Variants in ABCA3 observed in about 807,000 individuals in gnomAD.
ABCA3 encodes ATP binding cassette subfamily A member 3, also known as phospholipid-transporting ATPase ABCA3.
ABCA3 carries 88 observed loss-of-function variants against 172.8 expected under a neutral mutation model. That is an observed-to-expected ratio of 0.51 (90% CI 0.43 to 0.61). The LOEUF (loss-of-function observed/expected upper bound fraction) is 0.61. Among genes scored for constraint, ABCA3 ranks in the 20% least tolerant of loss-of-function variants. The pLI, the probability that ABCA3 is intolerant of heterozygous loss-of-function variation, is 0.00. For missense variants in ABCA3, 2,164 were observed against 2,301.0 expected (o/e 0.94, Z 1.22); for synonymous variants, 1,066 against 983.8 (o/e 1.08, Z -1.56).
At chr16:2,337,234 G>A (rs2093753275) in intron 1 of ABCA3, among the ~76,000 whole-genome samples, 1 of 151,844 alleles carries the variant, frequency 6.6e-6, no homozygotes, top group Admixed American at 6.6e-5. Flanking sequence ...CCCTTTAAAA[G>A]ATCCAAATTT....
Position 2,286,873 on chromosome 16 carries a change from T to C in ABCA3, c.3099A>G (p.Gly1033=). The C allele has an allele frequency of 6.2e-7, 1 of 1,614,066 alleles. No homozygotes were observed. Among genetic ancestry groups the C allele is most frequent in the Non-Finnish European group, 8.5e-7 (1 of 1,180,024 alleles). Residue 1033 remains glycine (G), a synonymous_variant, in exon 22 of 33, where the codon GGA becomes GGG. Transcript: ENST00000301732. This position sits in a 1 kb window ranked among gnomAD's most constrained non-coding sequence, Gnocchi z 5.2. ...CLVAASFRDV[G]ERTVVNALFN... ...ACAAGGCGTTGACGACCGTGCGCTC[T>C]CCCACATCTCTGAAGGACGCTGCCA...
Position 2,326,438 on chromosome 16 carries a change from A to G in ABCA3, c.29T>C (p.Leu10Pro). MAVLRQLAL[L>P]LWKNYTLQKR... is the part of the protein sequence containing the mutation. Reference sequence around the variant, plus strand: ...CTGCAGGGTGTAGTTCTTCCAGAGGAGGAGCGCCAGCTGCCTGAGCACAGC... The same window carrying G: ...CTGCAGGGTGTAGTTCTTCCAGAGGGGGAGCGCCAGCTGCCTGAGCACAGC... Residue 10 changes from leucine to proline, a missense_variant, in exon 4 of 33, where the codon CTC becomes CCC. Around this residue, in one of 3 missense-constraint regions of ABCA3, gnomAD observed 1,343 missense variants for 1,369.6 expected, o/e 0.98. Transcript: ENST00000301732. 6.2e-7 allele frequency: 1 copy of G among 1,612,734 alleles called. No homozygotes were observed. The highest frequency in any genetic ancestry group is 8.5e-7 in the Non-Finnish European group (1 of 1,179,462).
At chr16:2,323,770 G>A (rs2093729829) in intron 6 of ABCA3, 82 bp from the exon 7 acceptor site, 4 of 1,534,378 alleles carry the variant, frequency 2.6e-6, no homozygotes, top group Non-Finnish European at 3.6e-6. Flanking sequence ...GAGAGCGCTT[G>A]GGGGGCTGTC....
intron 28 of ABCA3, 52 bp downstream of exon 28, chr16:2,280,975 C>T (rs889654694): frequency 3.1e-6 from 5 of 1,611,588 alleles, no homozygotes; most frequent in Admixed American, 1.7e-5. Context: ...CCAGGGTGCC[C>T]CCTCCAGCCA....
At chr16:2,290,522 G>A (rs2093670419) in intron 19 of ABCA3, among the ~76,000 whole-genome samples, 1 of 152,204 alleles carries the variant, frequency 6.6e-6, no homozygotes, top group Non-Finnish European at 1.5e-5. Context: ...GAGGCCCTGT[G>A]GCTGCTGAGA....
At chr16:2,294,010 T>TC (rs1302472235) in intron 18 of ABCA3, among the ~76,000 whole-genome samples, 10 of 146,624 alleles carry the variant, frequency 6.8e-5, no homozygotes, top group Admixed American at 6.8e-4. Context: ...TTTTCTTTCT[T>TC]TTTTTTTTTT....
rs770697754 is a variant in ABCA3, at chr16:2,290,001, A to ACACACACACC, written c.2514-382_2514-381insGGTGTGTGTG. 5.8e-5 allele frequency among the ~76,000 whole-genome samples: 8 copies of ACACACACACC among 137,222 alleles called. No individual in the cohort carries two copies. The East Asian group carries it at 1.6e-3, about 28-fold the overall frequency. 90.0% of individuals were successfully genotyped at this position (137,222 alleles called of 152,430 possible). A position where few individuals can be genotyped will look rare whatever the true frequency, so the allele number is the denominator to read the frequency against. On this transcript the variant is annotated intron_variant, in intron 19 of 32. Coordinates refer to ENST00000301732, the MANE Select transcript of ABCA3 (RefSeq NM_001089.3). The stretch of plus-strand genomic sequence containing the variant: ...CACACACACACACACACACACACAC[A>ACACACACACC]CCCCTTCCTAGAGCTCCCCGCCGAT...
At chr16:2,327,559 C>G (rs1252789793) in intron 3 of ABCA3, among the ~76,000 whole-genome samples, 1 of 152,152 alleles carries the variant, frequency 6.6e-6, no homozygotes, top group Non-Finnish European at 1.5e-5. Flanking sequence ...AATTCTGGCC[C>G]CCATTGGCCT....
Position 2,284,509 on chromosome 16 carries a change from G to C in ABCA3, c.3704-72C>G, listed in dbSNP as rs907651114. On this transcript the variant is annotated intron_variant, in intron 24 of 32. Transcript: ENST00000301732. The surrounding 1 kb of genome is among the most constrained non-coding windows in gnomAD (Gnocchi z 5.9). Reference sequence around the variant, plus strand: ...CCCACCTCCAGGACGGGCCTGGTCAGGGCGGGCACAGGGCCTTATCCGTGC... The same window carrying C: ...CCCACCTCCAGGACGGGCCTGGTCACGGCGGGCACAGGGCCTTATCCGTGC... The C allele has an allele frequency of 1.3e-5, 20 of 1,592,678 alleles. No individual in the cohort carries two copies. In the Admixed American group the frequency reaches 3.3e-4, roughly 27 times the overall value.
rs756680762 is a variant in ABCA3 at position 2,295,709 on chromosome 16, C to T, written c.2295G>A (p.Glu765=). 6.2e-7 allele frequency: 1 copy of T among 1,613,996 alleles called. No individual in the cohort carries two copies. Among genetic ancestry groups the T allele is most frequent in the South Asian group, 1.1e-5 (1 of 91,092 alleles). The change falls in exon 18 of 33, where the codon GAG becomes GAA. Residue 765 remains glutamate (E), a synonymous_variant. Transcript: ENST00000301732. ...GAGYHMTLVK[E]PHCNPEDISQ... ...AGATGTCTTCCGGGTTGCAGTGCGG[C>T]TCCTTCACCAGCGTCATGTGATAGC...
At chr16:2,303,748 A>C (rs1321022569) in intron 12 of ABCA3, among the ~76,000 whole-genome samples, 1 of 152,080 alleles carries the variant, frequency 6.6e-6, no homozygotes, top group Non-Finnish European at 1.5e-5. Flanking sequence ...CAGGCTCTGA[A>C]GCGGAAGGAT....
Position 2,277,368 on chromosome 16 carries a change from G to A in ABCA3, c.4983+229C>T, listed in dbSNP as rs1192386762. ...CCTCCCAAAGTGCTGGGATTATGGT[G>A]TGAGCCACCATCCCTGACCCCTTTC... is the stretch of plus-strand genomic sequence containing the variant. On this transcript the variant is annotated intron_variant, in intron 32 of 32. Coordinates refer to ENST00000301732, the MANE Select transcript of ABCA3 (RefSeq NM_001089.3). The surrounding 1 kb of genome is among the most constrained non-coding windows in gnomAD (Gnocchi z 5.3). 6.6e-6 allele frequency among the ~76,000 whole-genome samples: 1 copy of A among 152,178 alleles called. No homozygotes were observed. Among genetic ancestry groups the A allele is most frequent in the East Asian group, 1.9e-4 (1 of 5,194 alleles).
Position 2,288,204 on chromosome 16 carries a change from C to T in ABCA3, c.2826G>A (p.Leu942=). The T allele has an allele frequency of 1.9e-6, 3 of 1,600,816 alleles. No individual in the cohort carries two copies. Among genetic ancestry groups the T allele is most frequent in the Non-Finnish European group, 2.6e-6 (3 of 1,173,680 alleles). Reference sequence around the variant, plus strand: ...AGAGCTCCGAGGAGTAGTTGATGGCCAGGAGGGCCAGGGTGACGCAGGTCA... The same window carrying T: ...AGAGCTCCGAGGAGTAGTTGATGGCTAGGAGGGCCAGGGTGACGCAGGTCA... ...VPLTCVTLAL[L]AINYSSELFD... is the part of the protein sequence containing the mutation. Residue 942 remains leucine, a synonymous_variant, in exon 21 of 33, where the codon CTG becomes CTA. Transcript: ENST00000301732.
intron 10 of ABCA3, among the ~76,000 whole-genome samples, chr16:2,311,903 C>T (rs1354138806): frequency 4.6e-5 from 7 of 152,094 alleles, no homozygotes; most frequent in African/African-American, 9.7e-5. Context: ...GCAATCCGCC[C>T]GCCTCAGTCT....
intron 10 of ABCA3, among the ~76,000 whole-genome samples, chr16:2,314,785 A>C (rs1457519553): frequency 6.6e-6 from 1 of 151,040 alleles, no homozygotes; most frequent in Non-Finnish European, 1.5e-5. Flanking sequence ...CATGTTAGTC[A>C]GGCTGGTTTC....
intron 8 of ABCA3, among the ~76,000 whole-genome samples, chr16:2,318,961 T>C (rs2093721152): frequency 6.6e-6 from 1 of 152,184 alleles, no homozygotes; most frequent in South Asian, 2.1e-4. Context: ...GCACACTTTT[T>C]TTTTTTTCAG....
In ABCA3 at chr16:2,285,312, C is replaced by T; in HGVS notation, c.3483+130G>A. ...GGGGGCAGCCGCCAGGGGATTCCAG[C>T]TGTCCTCCCTGAGTCGGGCCGAGCT... On this transcript the variant is annotated intron_variant, in intron 23 of 32. Coordinates refer to ENST00000301732, the MANE Select transcript of ABCA3 (RefSeq NM_001089.3). The surrounding 1 kb of genome is among the most constrained non-coding windows in gnomAD (Gnocchi z 4.7). 8.7e-7 allele frequency: 1 copy of T among 1,149,746 alleles called. No individual in the cohort carries two copies. Among genetic ancestry groups the T allele is most frequent in the Non-Finnish European group, 1.3e-6 (1 of 794,842 alleles). 71.2% of individuals were successfully genotyped at this position (1,149,746 alleles called of 1,614,324 possible). A position where few individuals can be genotyped will look rare whatever the true frequency, so the allele number is the denominator to read the frequency against.
At position 2,279,816 on chromosome 16, in the gene ABCA3, G is replaced by A. The variant is rs997059612; in HGVS notation, c.4360-686C>T. Among the ~76,000 whole-genome samples, 4 of 150,570 alleles carry A rather than the reference G, an allele frequency of 2.7e-5. No individual in the cohort carries two copies. Among genetic ancestry groups the A allele is most frequent in the African/African-American group, 7.4e-5 (3 of 40,776 alleles). On this transcript the variant is annotated intron_variant, in intron 28 of 32. Transcript: ENST00000301732. This position sits in a 1 kb window ranked among gnomAD's most constrained non-coding sequence, Gnocchi z 4.4. The stretch of plus-strand genomic sequence containing the variant: ...TGGTAGAGCGCAGTGGCATGATCTC[G>A]GCTCACTACAACCTCTGCCTCCCAG...
At chr16:2,280,042 C>T (rs920899197) in intron 28 of ABCA3, among the ~76,000 whole-genome samples, 1 of 152,230 alleles carries the variant, frequency 6.6e-6, no homozygotes, top group African/African-American at 2.4e-5. Context: ...AGCCACGCTC[C>T]CAGCCCAGAA....
Sources: gnomAD v4.1 joint callset for allele counts (sites outside exome capture counted in the v4.1 genomes callset) on GRCh38, gnomAD v4.1.1 for gene constraint, gnomAD v4.1.1 regional missense constraint, Gnocchi (gnomAD v3.1) non-coding constraint, MANE v1.5 for transcripts, NCBI Gene and HGNC (gene_info 2026-07-23, HGNC 2026-07-21) for gene names.